Variants in WWC2 observed in about 807,000 individuals in gnomAD.
WWC2 encodes the protein protein WWC2.
WWC2 carries 101 observed loss-of-function variants against 138.5 expected under a neutral mutation model. The observed-to-expected ratio is 0.73, with a 90% CI of 0.62 to 0.86. The LOEUF (loss-of-function observed/expected upper bound fraction) is 0.86, where lower values mean the gene tolerates loss of function less well. Ranked by LOEUF, WWC2 falls within the 40% of genes least tolerant of loss-of-function variation. WWC2 has a pLI of 0.00. For missense variants in WWC2, 1,420 were observed against 1,419.4 expected (o/e 1.00, Z -0.01); for synonymous variants, 558 against 538.4 (o/e 1.04, Z -0.50).
intron 1 of WWC2, among the ~76,000 whole-genome samples, chr4:183,184,925 T>A (rs1486056133): frequency 1.3e-5 from 2 of 151,956 alleles, no homozygotes; most frequent in Non-Finnish European, 1.5e-5. Context: ...AAATATTTCA[T>A]CGTTTTCATA....
chr4:183,135,291 C>A (rs1733074266), intron 1 of WWC2, among the ~76,000 whole-genome samples: 1 of 151,750 alleles, frequency 6.6e-6, no homozygotes, highest in Non-Finnish European at 1.5e-5. Flanking sequence ...TATGTTTCTA[C>A]TGTGTTATTT....
intron 1 of WWC2, among the ~76,000 whole-genome samples, chr4:183,101,986 C>T (rs936681121): frequency 9.2e-5 from 14 of 152,038 alleles, no homozygotes; most frequent in Non-Finnish European, 1.8e-4. Flanking sequence ...GATAATTATG[C>T]CGATTTAGTA....
chr4:183,269,389 T>C, intron 15 of WWC2: 1 of 673,140 alleles, frequency 1.5e-6, no homozygotes, highest in Non-Finnish European at 2.8e-6. Context: ...TCTGTAAAAG[T>C]TGCTTTCTAT....
At chr4:183,160,051 G>C (rs1013277928) in intron 1 of WWC2, among the ~76,000 whole-genome samples, 1 of 152,160 alleles carries the variant, frequency 6.6e-6, no homozygotes, top group Non-Finnish European at 1.5e-5. Context: ...CCAGCAACTT[G>C]ATTGAAATTT....
At chr4:183,104,282 A>G (rs1743283851) in intron 1 of WWC2, among the ~76,000 whole-genome samples, 1 of 152,254 alleles carries the variant, frequency 6.6e-6, no homozygotes, top group Admixed American at 6.5e-5. Context: ...GGTATGTTAA[A>G]TAAATGTTGG....
chr4:183,313,391 T>A (rs1439960271), intron 22 of WWC2, among the ~76,000 whole-genome samples: 1 of 151,114 alleles, frequency 6.6e-6, no homozygotes, highest in Non-Finnish European at 1.5e-5. Context: ...GAGAAGCGGG[T>A]AAGGGTGGCC....
chr4:183,229,907 C>T (rs1182968022), intron 4 of WWC2, among the ~76,000 whole-genome samples: 2 of 152,024 alleles, frequency 1.3e-5, no homozygotes, highest in African/African-American at 4.8e-5. Flanking sequence ...TCACTTTAAC[C>T]TCCACCTCCT....
chr4:183,280,229 GTTTTTTTTT>G (rs869235261), intron 16 of WWC2, among the ~76,000 whole-genome samples: 4 of 65,430 alleles, frequency 6.1e-5, no homozygotes, highest in African/African-American at 1.2e-4. Context: ...GATAGCAGCT[GTTTTTTTTT>G]TTTTTTTTTT....
intron 16 of WWC2, among the ~76,000 whole-genome samples, chr4:183,274,592 A>T (rs1020537743): frequency 2.0e-5 from 3 of 152,114 alleles, no homozygotes; most frequent in African/African-American, 7.2e-5. Context: ...TGTTAAACTT[A>T]TTTCTAAGTA....
At chr4:183,198,429 C>G (rs758823531) in intron 2 of WWC2, among the ~76,000 whole-genome samples, 7 of 151,958 alleles carry the variant, frequency 4.6e-5, no homozygotes, top group Non-Finnish European at 1.0e-4. Context: ...GAGATGGCAT[C>G]TCTCTGTGTT....
In WWC2 at chr4:183,269,088, C is replaced by T. The variant is rs199545974; in HGVS notation, c.2325C>T (p.Ser775=). Residue 775 remains serine (S), a synonymous_variant, in exon 15 of 23, where the codon TCC becomes TCT. Coordinates refer to ENST00000403733, the MANE Select transcript of WWC2 (RefSeq NM_024949.6). ...ATGATGTGTTCAGAGTCGCCATTTC[C>T]CAAACAGCCTTACAACAGAAGACAC... ...LFNDVFRVAI[S]QTALQQKTLR... 68 of 1,613,922 alleles carry T rather than the reference C, an allele frequency of 4.2e-5. 1 individual carries two copies. The East Asian group carries it at 1.5e-3, about 36-fold the overall frequency.
At chr4:183,138,810 A>G (rs1360051762) in intron 1 of WWC2, among the ~76,000 whole-genome samples, 1 of 152,066 alleles carries the variant, frequency 6.6e-6, no homozygotes, top group African/African-American at 2.4e-5. Context: ...TAAGTAACAC[A>G]TTTAGTTGTC....
chr4:183,233,878 G>A (rs189842005), intron 4 of WWC2: 148 of 152,372 alleles, frequency 9.7e-4, no homozygotes, highest in African/African-American at 3.2e-3. Context: ...TCCAGAAGGA[G>A]CAAGTTGACA....
intron 1 of WWC2, among the ~76,000 whole-genome samples, chr4:183,100,416 AT>A (rs936499636): frequency 1.3e-5 from 2 of 151,924 alleles, no homozygotes; most frequent in East Asian, 1.9e-4. Flanking sequence ...TGTGTCCCAT[AT>A]TTTTTTTACC....
At chr4:183,249,071 G>A (rs1736889881) in intron 7 of WWC2, among the ~76,000 whole-genome samples, 1 of 151,940 alleles carries the variant, frequency 6.6e-6, no homozygotes, top group Non-Finnish European at 1.5e-5. Context: ...CATATGAGTA[G>A]CTTTGTTCAA....
chr4:183,137,554 A>C (rs35775377), intron 1 of WWC2, among the ~76,000 whole-genome samples: 21,849 of 151,558 alleles, frequency 0.14, 1,782 homozygotes, highest in East Asian at 0.26. Flanking sequence ...GCTGGAGTGC[A>C]GTGGCACGAT....
In WWC2 at chr4:183,112,585, A is replaced by C. The variant is rs78017296; in HGVS notation, c.131+12963A>C. ...AAACTATTCGTCACACATTTATTGG[A>C]AACACTATATGCCTAGCACATACAT... On this transcript the variant is annotated intron_variant, in intron 1 of 22. Coordinates refer to ENST00000403733, the MANE Select transcript of WWC2 (RefSeq NM_024949.6). Among the ~76,000 whole-genome samples, 143 of 152,346 alleles carry C rather than the reference A, an allele frequency of 9.4e-4. 1 individual carries two copies. The highest frequency in any genetic ancestry group is 1.3e-3 in the Non-Finnish European group (89 of 68,028).
At position 183,253,973 on chromosome 4, in the gene WWC2, A is replaced by G. The variant is rs773532848; in HGVS notation, c.1170A>G (p.Gly390=). ...RLEEELLSVR[G]TPSRALAERL... is the part of the protein sequence containing the mutation. ...AAGAAGAGTTGCTGTCTGTGAGGGG[A>G]ACACCAAGCAGAGCTCTGGCCGAGA... Residue 390 remains glycine, a synonymous_variant, in exon 9 of 23, where the codon GGA becomes GGG. Coordinates refer to ENST00000403733, the MANE Select transcript of WWC2 (RefSeq NM_024949.6). 2.3e-5 allele frequency: 37 copies of G among 1,613,676 alleles called. 1 individual carries two copies. In the South Asian group the frequency reaches 4.1e-4, roughly 18 times the overall value.
At chr4:183,285,752 T>A (rs950739449) in intron 19 of WWC2, among the ~76,000 whole-genome samples, 6 of 151,878 alleles carry the variant, frequency 4.0e-5, no homozygotes, top group East Asian at 1.9e-4. Context: ...AGAGTGAGAC[T>A]CTGTCTCAAA....
Sources: gnomAD v4.1 joint callset for allele counts (sites outside exome capture counted in the v4.1 genomes callset) on GRCh38, gnomAD v4.1.1 for gene constraint, MANE v1.5 for transcripts, NCBI Gene and HGNC (gene_info 2026-07-23, HGNC 2026-07-21) for gene names.